Variants in FNDC3B observed in about 807,000 individuals in gnomAD.
FNDC3B encodes the protein fibronectin type III domain-containing protein 3B.
Under a neutral mutation model 151.5 loss-of-function variants are expected in FNDC3B, and 12 were observed. That is an observed-to-expected ratio of 0.08 (90% CI 0.05 to 0.13). The LOEUF is 0.13. FNDC3B is among the 10% of genes least tolerant of loss of function. The pLI is 1.00. For synonymous variants in FNDC3B, 528 were observed against 549.0 expected, an observed-to-expected ratio of 0.96 and a Z score of 0.54; for missense variants, 1,214 against 1,505.3, an observed-to-expected ratio of 0.81 and a Z score of 3.20.
At chr3:172,108,332 T>C (rs1041016987) in intron 1 of FNDC3B, among the ~76,000 whole-genome samples, 3 of 152,378 alleles carry the variant, frequency 2.0e-5, no homozygotes, top group Non-Finnish European at 4.4e-5. Context: ...GCCTGCTCTT[T>C]AATGAAGAAC....
chr3:172,306,784 G>A (rs1560068775), intron 9 of FNDC3B, among the ~76,000 whole-genome samples: 1 of 152,210 alleles, frequency 6.6e-6, no homozygotes, highest in African/African-American at 2.4e-5. Flanking sequence ...AAATATTCAC[G>A]TGGATTAAAC....
At chr3:172,384,098 A>G (rs542744545) in intron 25 of FNDC3B, among the ~76,000 whole-genome samples, 1 of 152,354 alleles carries the variant, frequency 6.6e-6, no homozygotes, top group East Asian at 1.9e-4. Flanking sequence ...TGTTTGCTAT[A>G]TGATAATAAA....
At chr3:172,362,025 G>A (rs910476463) in intron 22 of FNDC3B, among the ~76,000 whole-genome samples, 5 of 152,186 alleles carry the variant, frequency 3.3e-5, no homozygotes, top group Admixed American at 3.3e-4. Context: ...ATTCATGGAT[G>A]ATTAAGGTAA....
At chr3:172,196,355 AT>A (rs994864055) in intron 3 of FNDC3B, among the ~76,000 whole-genome samples, 75 of 145,668 alleles carry the variant, frequency 5.1e-4, no homozygotes, top group Middle Eastern at 3.5e-3. Flanking sequence ...TGCCCAGCTA[AT>A]TTTTTTTTTT....
chr3:172,165,573 T>C (rs1722966950), intron 3 of FNDC3B, among the ~76,000 whole-genome samples: 1 of 152,240 alleles, frequency 6.6e-6, no homozygotes, highest in African/African-American at 2.4e-5. Flanking sequence ...TCTTATAATC[T>C]CACTCTAGAT....
At chr3:172,271,641 G>A (rs534967895) in intron 6 of FNDC3B, among the ~76,000 whole-genome samples, 1 of 152,264 alleles carries the variant, frequency 6.6e-6, no homozygotes, top group Non-Finnish European at 1.5e-5. Flanking sequence ...TTCCCACTTG[G>A]CTCTGCCAGC....
At chr3:172,181,626 T>G (rs1306502030) in intron 3 of FNDC3B, among the ~76,000 whole-genome samples, 1 of 151,352 alleles carries the variant, frequency 6.6e-6, no homozygotes, top group African/African-American at 2.4e-5. Context: ...GTCACAAGAT[T>G]GAGACCTGCC....
intron 6 of FNDC3B, among the ~76,000 whole-genome samples, chr3:172,264,931 A>T (rs553129272): frequency 6.6e-6 from 1 of 152,150 alleles, no homozygotes; most frequent in South Asian, 2.1e-4. Flanking sequence ...TCTTATTTCC[A>T]TTTCCTTCCT....
intron 1 of FNDC3B, among the ~76,000 whole-genome samples, chr3:172,067,037 C>G (rs1199228116): frequency 6.6e-6 from 1 of 152,142 alleles, no homozygotes. Context: ...GCAGCTCTTC[C>G]TCCTTGCTTT....
chr3:172,101,765 A>G (rs1451134271), intron 1 of FNDC3B, among the ~76,000 whole-genome samples: 1 of 152,264 alleles, frequency 6.6e-6, no homozygotes, highest in Admixed American at 6.5e-5. Context: ...CATGGAAGAC[A>G]TAACTTTAGC....
At chr3:172,328,392 C>G (rs1275794480) in intron 11 of FNDC3B, among the ~76,000 whole-genome samples, 1 of 152,232 alleles carries the variant, frequency 6.6e-6, no homozygotes, top group South Asian at 2.1e-4. Flanking sequence ...TGAAGAAACA[C>G]CATCACTAGA....
intron 4 of FNDC3B, among the ~76,000 whole-genome samples, chr3:172,229,233 C>A (rs1248294190): frequency 6.6e-6 from 1 of 152,078 alleles, no homozygotes; most frequent in Non-Finnish European, 1.5e-5. Flanking sequence ...CAGTCCTCTT[C>A]CTAAAGTAGA....
intron 1 of FNDC3B, among the ~76,000 whole-genome samples, chr3:172,086,360 T>TAAAA (rs11417506): frequency 6.8e-6 from 1 of 147,548 alleles, no homozygotes; most frequent in African/African-American, 2.5e-5. Context: ...ACCTGATCTT[T>TAAAA]AAAAAAAAAA....
chr3:172,107,312 G>C (rs950880074), intron 1 of FNDC3B, among the ~76,000 whole-genome samples: 1 of 152,254 alleles, frequency 6.6e-6, no homozygotes, highest in East Asian at 1.9e-4. Context: ...TGCTCTGTGT[G>C]GGGGAAAGAA....
At chr3:172,222,836 T>C in intron 3 of FNDC3B, among the ~76,000 whole-genome samples, 1 of 152,176 alleles carries the variant, frequency 6.6e-6, no homozygotes, top group East Asian at 1.9e-4. Context: ...TGGGGATCCC[T>C]GGTAGCAGGG....
intron 3 of FNDC3B, among the ~76,000 whole-genome samples, chr3:172,145,730 A>G (rs1013819840): frequency 1.3e-5 from 2 of 151,930 alleles, no homozygotes; most frequent in African/African-American, 4.8e-5. Flanking sequence ...GCTAGAACTG[A>G]GCTTGTGTTC....
rs1445179421 is a variant in FNDC3B at position 172,397,533 on chromosome 3, C to T, written c.*58C>T. 2 of 1,086,442 alleles carry T rather than the reference C, an allele frequency of 1.8e-6. No homozygotes were observed. Among genetic ancestry groups the T allele is most frequent in the East Asian group, 2.4e-5 (1 of 41,094 alleles). 67.3% of individuals were successfully genotyped at this position (1,086,442 alleles called of 1,614,324 possible). A position where few individuals can be genotyped will look rare whatever the true frequency, so the allele number is the denominator to read the frequency against. Reference sequence around the variant, plus strand: ...ACACATTTTAATACACACATTTATTCAGATACTCCCCTTTTTAAAGCCCTT... The same window carrying T: ...ACACATTTTAATACACACATTTATTTAGATACTCCCCTTTTTAAAGCCCTT... On this transcript the variant is annotated 3_prime_UTR_variant, in exon 26 of 26. Transcript: ENST00000415807.
At position 172,375,433 on chromosome 3, in the gene FNDC3B, C is replaced by T. The variant is rs564811277; in HGVS notation, c.3009-2837C>T. Among the ~76,000 whole-genome samples, 48 of 152,314 alleles carry T rather than the reference C, an allele frequency of 3.2e-4. No individual in the cohort carries two copies. The Middle Eastern group carries it at 0.014, about 43-fold the overall frequency. On this transcript the variant is annotated intron_variant, in intron 23 of 25. Transcript: ENST00000415807. The stretch of plus-strand genomic sequence containing the variant: ...CTTAGGATTCCTTATGTCTCCCCTT[C>T]CCACCTTATACTTGTTTCACCCAGG...
chr3:172,126,578 C>T (rs1488120843), intron 2 of FNDC3B, among the ~76,000 whole-genome samples: 1 of 152,190 alleles, frequency 6.6e-6, no homozygotes, highest in Admixed American at 6.5e-5. Context: ...ATCTGGACAG[C>T]TTCTTTCAAC....
Sources: allele counts gnomAD v4.1 joint callset (sites outside exome capture counted in the v4.1 genomes callset), GRCh38; gene constraint gnomAD v4.1.1; transcripts MANE v1.5; gene names NCBI Gene and HGNC (gene_info 2026-07-23, HGNC 2026-07-21).